Variants in SNX8 observed in about 807,000 individuals in gnomAD.
SNX8 encodes sorting nexin 8.
A neutral mutation model predicts 51.6 loss-of-function variants in SNX8; 25 were observed. The observed-to-expected ratio is 0.48, with a 90% CI of 0.35 to 0.68. The LOEUF (loss-of-function observed/expected upper bound fraction) is 0.68, where lower values mean the gene tolerates loss of function less well. Among genes scored for constraint, SNX8 ranks in the 30% least tolerant of loss-of-function variants. The pLI is 0.00. For synonymous variants in SNX8, 324 were observed against 277.0 expected (o/e 1.17, Z -1.68); for missense variants, 695 against 624.0 (o/e 1.11, Z -1.21).
intron 5 of SNX8, among the ~76,000 whole-genome samples, chr7:2,267,918 C>A (rs1319865879): frequency 8.8e-6 from 1 of 113,548 alleles, no homozygotes; most frequent in Non-Finnish European, 1.9e-5. Flanking sequence ...AGCGTCTCTG[C>A]CCGGCCGCCC....
At chr7:2,341,394 G>A (rs909862315) in intron 1 of SNX8, among the ~76,000 whole-genome samples, 1 of 151,828 alleles carries the variant, frequency 6.6e-6, no homozygotes, top group Admixed American at 6.6e-5. Context: ...AGCTACTCGG[G>A]AGGCTGAGGC....
chr7:2,307,632 T>TC (rs1445841700), intron 1 of SNX8: 1 of 29,450 alleles, frequency 3.4e-5, no homozygotes, highest in Admixed American at 4.6e-4. Context: ...AAACTTTGTC[T>TC]CCAAAAAAAA....
At chr7:2,260,877 A>G (rs902448168) in intron 7 of SNX8, among the ~76,000 whole-genome samples, 1 of 152,146 alleles carries the variant, frequency 6.6e-6, no homozygotes, top group Non-Finnish European at 1.5e-5. Flanking sequence ...ATAAACTCCT[A>G]CTGCACCAGA....
At chr7:2,281,168 C>T (rs1005595623) in intron 1 of SNX8, among the ~76,000 whole-genome samples, 1 of 152,030 alleles carries the variant, frequency 6.6e-6, no homozygotes, top group African/African-American at 2.4e-5. Flanking sequence ...CTAGCACCTA[C>T]AATCCCAGCA....
chr7:2,317,096 GGAATAA>G (rs1562455670), upstream of SNX8, among the ~76,000 whole-genome samples: 1 of 151,918 alleles, frequency 6.6e-6, no homozygotes, highest in East Asian at 1.9e-4. Flanking sequence ...TAGGGCTGGA[GGAATAA>G]GGAGTTAAGT....
rs536399071 is a variant in SNX8 at position 2,352,333 on chromosome 7, C to T, written c.-66+1889G>A. On this transcript the variant is annotated intron_variant, in intron 1 of 5. Transcript: ENST00000435336. ...CCAAACACAGTAGCCCCCCCGACCC[C>T]CAGTTTCACATTGCACTGTTTCAGT... is the stretch of plus-strand genomic sequence containing the variant. Among the ~76,000 whole-genome samples the T allele has an allele frequency of 2.6e-5, 4 of 152,190 alleles. No homozygotes were observed. The South Asian group carries it at 8.3e-4, about 32-fold the overall frequency.
At chr7:2,310,048 C>G (rs1302334766) in intron 1 of SNX8, 2 of 367,050 alleles carry the variant, frequency 5.4e-6, no homozygotes, top group Non-Finnish European at 1.1e-5. Flanking sequence ...TGAAGCGTGA[C>G]TCACCCTCGT....
chr7:2,273,644 C>T (rs1266526898), intron 3 of SNX8, among the ~76,000 whole-genome samples: 1 of 151,664 alleles, frequency 6.6e-6, no homozygotes, highest in Non-Finnish European at 1.5e-5. Flanking sequence ...TGGCTCACAC[C>T]TGTAATCCCA....
At position 2,309,362 on chromosome 7, in the gene SNX8, C is replaced by G. The variant is rs191043718; in HGVS notation, c.94+4966G>C. Among the ~76,000 whole-genome samples, 13 of 152,278 alleles carry G rather than the reference C, an allele frequency of 8.5e-5. No individual in the cohort carries two copies. In the East Asian group the frequency reaches 2.5e-3, roughly 29 times the overall value. ...CCAACATGGCGAAACTTCGTCTCTA[C>G]TAAAAATACAAAAATTAGCCAGGTG... On this transcript the variant is annotated intron_variant, in intron 1 of 10. Coordinates refer to ENST00000222990, the MANE Select transcript of SNX8 (RefSeq NM_013321.4).
chr7:2,349,546 G>A (rs1001901444), intron 1 of SNX8, among the ~76,000 whole-genome samples: 2 of 150,290 alleles, frequency 1.3e-5, no homozygotes, highest in Non-Finnish European at 3.0e-5. Flanking sequence ...CCATGTTCAA[G>A]CGATTCTCCT....
At chr7:2,306,166 C>T (rs529186213) in intron 1 of SNX8, among the ~76,000 whole-genome samples, 1 of 151,560 alleles carries the variant, frequency 6.6e-6, no homozygotes, top group Non-Finnish European at 1.5e-5. Context: ...GTTTTTGAGA[C>T]AGTCTTGTTC....
rs6960490 is a variant in SNX8, at chr7:2,254,947, G to A, written c.*109C>T. On this transcript the variant is annotated 3_prime_UTR_variant, in exon 11 of 11. Coordinates refer to ENST00000222990, the MANE Select transcript of SNX8 (RefSeq NM_013321.4). The stretch of plus-strand genomic sequence containing the variant: ...AGCTCCTCTGCTCCAGCTGCAGCAC[G>A]GGGCGTGGCGGGGAGGGGAGCTGCC... 1,751 of 776,078 alleles carry A rather than the reference G, an allele frequency of 2.3e-3. 14 individuals carry two copies. The African/African-American group carries it at 0.024, about 11-fold the overall frequency. The allele number at this position is 776,078 out of a possible 1,614,324, so 48.1% of individuals were successfully genotyped here.
At chr7:2,333,101 CG>C (rs1050482852) in intron 1 of SNX8, among the ~76,000 whole-genome samples, 2 of 149,904 alleles carry the variant, frequency 1.3e-5, no homozygotes, top group East Asian at 4.1e-4. Context: ...AAAATAGAGA[CG>C]GGGGTCTCAC....
Position 2,271,892 on chromosome 7 carries a change from G to T in SNX8, c.498C>A (p.Ser166=). Residue 166 remains serine, a synonymous_variant, in exon 4 of 11, where the codon TCC becomes TCA. Transcript: ENST00000222990. ...GGAAGAGCTTGAGGACCACATCCTC[G>T]GAGAACAGGGGGTGTCGCGCCACCA... The part of the protein sequence containing the change: ...VNLVARHPLF[S]EDVVLKLFLS... 1 of 1,613,548 alleles carries T rather than the reference G, an allele frequency of 6.2e-7. No individual in the cohort carries two copies. Among genetic ancestry groups the T allele is most frequent in the Non-Finnish European group, 8.5e-7 (1 of 1,179,812 alleles).
chr7:2,323,016 CTAAATAAATAAA>C (rs59691836), intron 1 of SNX8, among the ~76,000 whole-genome samples: 41 of 150,746 alleles, frequency 2.7e-4, no homozygotes, highest in African/African-American at 9.8e-4. Context: ...GACTCTGTCT[CTAAATAAATAAA>C]TAAATAAATA....
intron 1 of SNX8, among the ~76,000 whole-genome samples, chr7:2,339,412 T>C (rs910890722): frequency 2.0e-5 from 3 of 151,624 alleles, no homozygotes; most frequent in Non-Finnish European, 4.4e-5. Context: ...GGTTTCACCA[T>C]GTTGGCCAAG....
At chr7:2,277,275 G>A (rs926465548) in intron 2 of SNX8, among the ~76,000 whole-genome samples, 1 of 152,238 alleles carries the variant, frequency 6.6e-6, no homozygotes, top group East Asian at 1.9e-4. Flanking sequence ...GGCACTCGGT[G>A]TCTGTGTCTC....
chr7:2,257,355 C>A lies in SNX8; in HGVS notation c.1134+10G>T. On this transcript the variant is annotated intron_variant, in intron 9 of 10. Transcript: ENST00000222990. The stretch of plus-strand genomic sequence containing the variant: ...CTCCCACGGGCCTGCTCGGCCGCCC[C>A]GCCACCCACCTCCACAATGCGGGAC... 1 of 1,601,662 alleles carries A rather than the reference C, an allele frequency of 6.2e-7. No homozygotes were observed. Among genetic ancestry groups the A allele is most frequent in the Non-Finnish European group, 8.5e-7 (1 of 1,178,082 alleles).
At chr7:2,345,594 C>T (rs1175291957) in intron 1 of SNX8, among the ~76,000 whole-genome samples, 2 of 151,612 alleles carry the variant, frequency 1.3e-5, no homozygotes, top group African/African-American at 4.8e-5. Flanking sequence ...AGGAGAATCA[C>T]TTGAACCCAG....
Sources: allele counts gnomAD v4.1 joint callset (sites outside exome capture counted in the v4.1 genomes callset), GRCh38; gene constraint gnomAD v4.1.1; transcripts MANE v1.5; gene names NCBI Gene and HGNC (gene_info 2026-07-23, HGNC 2026-07-21).